The following TNFRSF10B variants were observed in gnomAD, a reference collection of about 807,000 sequenced individuals.
TNFRSF10B encodes tumor necrosis factor receptor superfamily member 10B.
TNFRSF10B carries 35 observed loss-of-function variants against 41.4 expected under a neutral mutation model. The observed-to-expected ratio is 0.85, with a 90% CI of 0.65 to 1.12. The LOEUF (loss-of-function observed/expected upper bound fraction) is 1.12. Among genes scored for constraint, TNFRSF10B ranks in the 50% most tolerant of loss-of-function variants. TNFRSF10B has a pLI of 0.00. For missense variants in TNFRSF10B, 584 were observed against 552.7 expected, an observed-to-expected ratio of 1.06 and a Z score of -0.57; for synonymous variants, 230 against 215.5, an observed-to-expected ratio of 1.07 and a Z score of -0.59.
chr8:23,050,471 C>T (rs146704470), intron 1 of TNFRSF10B, among the ~76,000 whole-genome samples: 80 of 152,202 alleles, frequency 5.3e-4, no homozygotes, highest in African/African-American at 1.9e-3. Context: ...TGTGTGTGTG[C>T]GCACGGGGGC....
At chr8:23,032,626 A>G (rs1008740162) in intron 2 of TNFRSF10B, among the ~76,000 whole-genome samples, 5 of 152,192 alleles carry the variant, frequency 3.3e-5, no homozygotes, top group Non-Finnish European at 5.9e-5. Flanking sequence ...ATTTAACACC[A>G]TTTTGATCTA....
intron 1 of TNFRSF10B, among the ~76,000 whole-genome samples, chr8:23,044,655 G>C (rs1812301339): frequency 6.6e-6 from 1 of 152,000 alleles, no homozygotes; most frequent in African/African-American, 2.4e-5. Flanking sequence ...AGAGGAAATG[G>C]CAATAAACGC....
chr8:23,043,758 A>G (rs1414501757), intron 1 of TNFRSF10B, among the ~76,000 whole-genome samples: 2 of 152,240 alleles, frequency 1.3e-5, no homozygotes, highest in Non-Finnish European at 2.9e-5. Flanking sequence ...TAGACCAGAG[A>G]GCCCAGAAAT....
intron 7 of TNFRSF10B, among the ~76,000 whole-genome samples, chr8:23,026,658 A>C (rs1437611618): frequency 1.3e-5 from 2 of 152,226 alleles, no homozygotes; most frequent in Non-Finnish European, 2.9e-5. Flanking sequence ...GATTGATATG[A>C]ACTGATTGTG....
At chr8:23,048,137 A>C (rs1245186160) in intron 1 of TNFRSF10B, among the ~76,000 whole-genome samples, 1 of 152,210 alleles carries the variant, frequency 6.6e-6, no homozygotes, top group African/African-American at 2.4e-5. Context: ...TCATACATGA[A>C]ATTGAAAACA....
rs746515184 is a variant in TNFRSF10B at position 23,027,837 on chromosome 8, G to T, written c.749-84C>A. 4 of 1,539,282 alleles carry T rather than the reference G, an allele frequency of 2.6e-6. No individual in the cohort carries two copies. The Admixed American group carries it at 7.2e-5, about 28-fold the overall frequency. ...CAGAGGACAGTGGGGCGCAGGGCTG[G>T]GCTGGGGGCTGGGACACTGGACAAG... On this transcript the variant is annotated intron_variant, in intron 5 of 8. Coordinates refer to ENST00000276431, the MANE Select transcript of TNFRSF10B (RefSeq NM_003842.5).
Position 23,020,963 on chromosome 8 carries a change from A to AC in TNFRSF10B, c.*1707dup, listed in dbSNP as rs759158824. 22 of 453,856 alleles carry AC rather than the reference A, an allele frequency of 4.8e-5. No individual in the cohort carries two copies. The highest frequency in any genetic ancestry group is 8.8e-5 in the Non-Finnish European group (20 of 226,774). 28.1% of individuals were successfully genotyped at this position (453,856 alleles called of 1,614,324 possible). ...TGGAAGTGCAAAGACCAGAAAGGTC[A>AC]CCCCCCACTCCTAAAACTCCACAGA... On this transcript the variant is annotated 3_prime_UTR_variant, in exon 9 of 9. Transcript: ENST00000276431.
chr8:23,061,211 T>G (rs1484058404), intron 1 of TNFRSF10B, among the ~76,000 whole-genome samples: 3 of 152,184 alleles, frequency 2.0e-5, no homozygotes, highest in Non-Finnish European at 4.4e-5. Flanking sequence ...AAAATCAGCT[T>G]AAACAGCTCT....
At position 23,022,846 on chromosome 8, in the gene TNFRSF10B, T is replaced by G. The variant is rs1308358059; in HGVS notation, c.1148A>C (p.Tyr383Ser). 1.9e-6 allele frequency: 3 copies of G among 1,613,952 alleles called. No individual in the cohort carries two copies. Among genetic ancestry groups the G allele is most frequent in the Non-Finnish European group, 2.5e-6 (3 of 1,180,020 alleles). Residue 383 changes from tyrosine to serine, a missense_variant, in exon 9 of 9, where the codon TAC (tyrosine) becomes TCC (serine). Tyr to Ser is a moderately radical substitution (Grantham distance 144). Coordinates refer to ENST00000276431, the MANE Select transcript of TNFRSF10B (RefSeq NM_003842.5). ...GTTGACCCACTTTATCAGCATCGTG[T>G]ACAAGGTGTCCCTGTGGCCCGCTGC... The part of the protein sequence containing the change: ...AEAAGHRDTL[Y>S]TMLIKWVNKT...
intron 2 of TNFRSF10B, among the ~76,000 whole-genome samples, chr8:23,036,780 T>C (rs1812042219): frequency 6.6e-6 from 1 of 151,930 alleles, no homozygotes; most frequent in South Asian, 2.1e-4. Context: ...GAGGCAGAGG[T>C]TGTAGTGAGC....
intron 2 of TNFRSF10B, among the ~76,000 whole-genome samples, chr8:23,041,409 G>A (rs1377709095): frequency 2.0e-5 from 3 of 149,304 alleles, no homozygotes; most frequent in Admixed American, 1.3e-4. Flanking sequence ...GCTCACGCCT[G>A]TAATCCCAAC....
intron 4 of TNFRSF10B, among the ~76,000 whole-genome samples, chr8:23,028,949 G>A (rs1030725252): frequency 8.5e-5 from 13 of 152,332 alleles, no homozygotes; most frequent in African/African-American, 3.1e-4. Flanking sequence ...CACAAGATGA[G>A]TCCGGTCTTC....
At chr8:23,043,778 C>T (rs762185571) in intron 1 of TNFRSF10B, among the ~76,000 whole-genome samples, 2 of 152,324 alleles carry the variant, frequency 1.3e-5, no homozygotes, top group South Asian at 2.1e-4. Flanking sequence ...TGAACTTGCA[C>T]GTACAACCAT....
intron 1 of TNFRSF10B, among the ~76,000 whole-genome samples, chr8:23,060,366 G>GTTCTC (rs1319634172): frequency 2.0e-4 from 31 of 152,088 alleles, no homozygotes; most frequent in Non-Finnish European, 3.5e-4. Flanking sequence ...TGGATATCCG[G>GTTCTC]TTCTCCTAGC....
At chr8:23,024,543 C>A (rs145819299) in intron 7 of TNFRSF10B, among the ~76,000 whole-genome samples, 1 of 149,770 alleles carries the variant, frequency 6.7e-6, no homozygotes, top group African/African-American at 2.5e-5. Context: ...TTTTTCGAGA[C>A]AGAGTCTCAC....
At chr8:23,025,048 G>A (rs912736842) in intron 7 of TNFRSF10B, among the ~76,000 whole-genome samples, 1 of 152,216 alleles carries the variant, frequency 6.6e-6, no homozygotes, top group African/African-American at 2.4e-5. Flanking sequence ...CTACTCAGAA[G>A]CCGGTAAGTC....
At chr8:23,055,099 A>G (rs1812626702) in intron 1 of TNFRSF10B, among the ~76,000 whole-genome samples, 1 of 152,140 alleles carries the variant, frequency 6.6e-6, no homozygotes, top group Non-Finnish European at 1.5e-5. Context: ...TCTGGCTGCA[A>G]GTCTCAAAAT....
At chr8:23,059,523 T>C (rs1812763245) in intron 1 of TNFRSF10B, among the ~76,000 whole-genome samples, 1 of 152,230 alleles carries the variant, frequency 6.6e-6, no homozygotes, top group South Asian at 2.1e-4. Flanking sequence ...TTTTTGTTTT[T>C]TGAGACAGAG....
chr8:23,052,856 G>T (rs1391433513), intron 1 of TNFRSF10B, among the ~76,000 whole-genome samples: 2 of 152,094 alleles, frequency 1.3e-5, no homozygotes, highest in African/African-American at 4.8e-5. Flanking sequence ...TTCTAGATAC[G>T]GCCTGGGGAC....
Sources: gnomAD v4.1 joint callset for allele counts (sites outside exome capture counted in the v4.1 genomes callset) on GRCh38, gnomAD v4.1.1 for gene constraint, MANE v1.5 for transcripts, NCBI Gene and HGNC (gene_info 2026-07-23, HGNC 2026-07-21) for gene names.